NAALADL2: variants seen among roughly 807,000 people sequenced by gnomAD.
NAALADL2 encodes inactive N-acetylated-alpha-linked acidic dipeptidase-like protein 2.
A neutral mutation model predicts 87.2 loss-of-function variants in NAALADL2; 76 were observed. The ratio of observed to expected loss-of-function variants is 0.87; its 90% CI spans 0.72 to 1.05. NAALADL2 has a LOEUF of 1.05. NAALADL2 is among the 50% of genes least tolerant of loss of function. The pLI, the probability that NAALADL2 is intolerant of heterozygous loss-of-function variation, is 0.00. For synonymous variants in NAALADL2, 354 were observed against 331.0 expected (o/e 1.07, Z -0.75); for missense variants, 1,089 against 945.8 (o/e 1.15, Z -1.99).
intron 4 of NAALADL2, among the ~76,000 whole-genome samples, chr3:175,274,560 C>A (rs1753308062): frequency 6.6e-6 from 1 of 152,134 alleles, no homozygotes; most frequent in Non-Finnish European, 1.5e-5. Context: ...TTTCAGAATG[C>A]TCAGCCTATC....
intron 1 of NAALADL2, among the ~76,000 whole-genome samples, chr3:175,007,651 G>T (rs943285859): frequency 2.0e-5 from 3 of 151,988 alleles, no homozygotes; most frequent in African/African-American, 7.3e-5. Flanking sequence ...TATCCTTGGG[G>T]GATACATTCC....
rs1196850212 is a variant in NAALADL2 at position 174,777,332 on chromosome 3, TAA to T, written c.-9+39588_-9+39589del. Among the ~76,000 whole-genome samples the T allele has an allele frequency of 2.0e-5, 3 of 152,252 alleles. No individual in the cohort carries two copies. In the East Asian group the frequency reaches 5.8e-4, roughly 29 times the overall value. On this transcript the variant is annotated intron_variant, in intron 3 of 3. Coordinates refer to the NAALADL2 transcript ENST00000434257. Reference sequence around the variant, plus strand: ...CCTTCTTCCTCTGTTCTAACACAAATAAAGTCATGAAAATTATAAGTAAAACT... The same window carrying T: ...CCTTCTTCCTCTGTTCTAACACAAATAGTCATGAAAATTATAAGTAAAACT...
intron 9 of NAALADL2, among the ~76,000 whole-genome samples, chr3:175,514,700 G>A (rs1731611278): frequency 6.6e-6 from 1 of 152,084 alleles, no homozygotes; most frequent in Non-Finnish European, 1.5e-5. Context: ...TCTGAAATAT[G>A]GGCCACACAA....
At chr3:174,778,442 G>A (rs1481775124) in intron 3 of NAALADL2, among the ~76,000 whole-genome samples, 9 of 109,342 alleles carry the variant, frequency 8.2e-5, no homozygotes, top group Admixed American at 7.6e-4. Context: ...ATTTACTAGG[G>A]CTACTCTGCA....
chr3:175,009,750 A>G (rs1365104756), intron 1 of NAALADL2, among the ~76,000 whole-genome samples: 1 of 152,140 alleles, frequency 6.6e-6, no homozygotes, highest in East Asian at 1.9e-4. Context: ...TATTTAATTC[A>G]TATATGCCAA....
intron 2 of NAALADL2, among the ~76,000 whole-genome samples, chr3:174,607,086 A>C (rs1719165146): frequency 6.6e-6 from 1 of 152,178 alleles, no homozygotes. Flanking sequence ...AGTGAAGGAG[A>C]AATAAAATCC....
At chr3:175,305,593 G>C (rs1046881371) in intron 4 of NAALADL2, among the ~76,000 whole-genome samples, 3 of 152,148 alleles carry the variant, frequency 2.0e-5, no homozygotes, top group Non-Finnish European at 2.9e-5. Flanking sequence ...CACAATCTCG[G>C]CTCACCGCAA....
intron 5 of NAALADL2, among the ~76,000 whole-genome samples, chr3:175,415,954 TAAA>T (rs58764853): frequency 1.5e-5 from 2 of 133,584 alleles, no homozygotes; most frequent in African/African-American, 5.6e-5. Flanking sequence ...TGTCTCTATT[TAAA>T]AAAAAAAAAA....
rs545473061 is a variant in NAALADL2, at chr3:174,676,728, T to G, written c.-114-60913T>G. On this transcript the variant is annotated intron_variant, in intron 2 of 3. Transcript: ENST00000434257. ...TGATATTAGTATATATTTATTGTCA[T>G]TATCTTTCATCAAAGGTCTTTATTA... Among the ~76,000 whole-genome samples, 4 of 152,008 alleles carry G rather than the reference T, an allele frequency of 2.6e-5. No individual in the cohort carries two copies. In the South Asian group the frequency reaches 8.3e-4, roughly 32 times the overall value.
chr3:174,778,022 C>A (rs1179668539), intron 3 of NAALADL2, among the ~76,000 whole-genome samples: 1 of 152,044 alleles, frequency 6.6e-6, no homozygotes, highest in Non-Finnish European at 1.5e-5. Flanking sequence ...AATGCTATGA[C>A]AATTACACAG....
At chr3:175,306,733 C>G (rs939809190) in intron 4 of NAALADL2, among the ~76,000 whole-genome samples, 1 of 152,128 alleles carries the variant, frequency 6.6e-6, no homozygotes, top group African/African-American at 2.4e-5. Context: ...GTAGTCCTAG[C>G]TACTAGGGAG....
At chr3:174,663,986 A>G (rs1725740565) in intron 2 of NAALADL2, among the ~76,000 whole-genome samples, 1 of 151,846 alleles carries the variant, frequency 6.6e-6, no homozygotes. Context: ...GGGGGGTTTC[A>G]CCATGTTGGT....
chr3:174,804,440 T>G (rs940371764), intron 3 of NAALADL2, among the ~76,000 whole-genome samples: 3 of 152,200 alleles, frequency 2.0e-5, no homozygotes, highest in Non-Finnish European at 4.4e-5. Context: ...CCTCTTTTCC[T>G]AATTGAATAC....
chr3:174,655,539 G>A (rs565183438), intron 2 of NAALADL2, among the ~76,000 whole-genome samples: 1 of 152,194 alleles, frequency 6.6e-6, no homozygotes, highest in East Asian at 1.9e-4. Flanking sequence ...ATGTTACATG[G>A]CAGACGTTAA....
intron 2 of NAALADL2, among the ~76,000 whole-genome samples, chr3:174,702,722 A>G (rs1214478071): frequency 3.9e-5 from 6 of 152,228 alleles, no homozygotes; most frequent in Non-Finnish European, 7.4e-5. Context: ...TTGTTTGTGT[A>G]TCTAAACATA....
chr3:175,344,320 G>C lies in NAALADL2; in HGVS notation c.1090+19995G>C, dbSNP rs143702189. 2.3e-3 allele frequency among the ~76,000 whole-genome samples: 344 copies of C among 152,008 alleles called. 2 individuals carry two copies. Among genetic ancestry groups the C allele is most frequent in the African/African-American group, 7.9e-3 (328 of 41,468 alleles). On this transcript the variant is annotated intron_variant, in intron 5 of 13. Coordinates refer to ENST00000454872, the MANE Select transcript of NAALADL2 (RefSeq NM_207015.3). ...TGGAATTCAGTAGTGCAAAGGACAG[G>C]AAGTCATGCTCTGGTTTTCTACTTT...
At chr3:174,756,274 T>C (rs1712062228) in intron 3 of NAALADL2, among the ~76,000 whole-genome samples, 2 of 152,220 alleles carry the variant, frequency 1.3e-5, no homozygotes, top group Non-Finnish European at 2.9e-5. Flanking sequence ...TGAAATTTTC[T>C]AAGTCCAAAT....
At chr3:175,468,636 T>C (rs1724435897) in intron 8 of NAALADL2, among the ~76,000 whole-genome samples, 1 of 152,068 alleles carries the variant, frequency 6.6e-6, no homozygotes, top group African/African-American at 2.4e-5. Context: ...TAGATACCTA[T>C]CTAGTAACTG....
chr3:175,221,732 T>C (rs1489183825), intron 2 of NAALADL2, among the ~76,000 whole-genome samples: 1 of 151,836 alleles, frequency 6.6e-6, no homozygotes, highest in Non-Finnish European at 1.5e-5. Flanking sequence ...TTTATTTCTT[T>C]ATTTTTGTAG....
Sources: allele counts gnomAD v4.1 joint callset (sites outside exome capture counted in the v4.1 genomes callset), GRCh38; gene constraint gnomAD v4.1.1; transcripts MANE v1.5; gene names NCBI Gene and HGNC (gene_info 2026-07-23, HGNC 2026-07-21).